SKIL: variants seen among roughly 807,000 people sequenced by gnomAD.
SKIL encodes the protein ski-like protein.
In SKIL, 20 loss-of-function variants were observed where a neutral mutation model predicts 69.6. The ratio of observed to expected loss-of-function variants is 0.29; its 90% CI spans 0.20 to 0.42. SKIL has a LOEUF of 0.42. Among genes scored for constraint, SKIL ranks in the 10% least tolerant of loss-of-function variants. The pLI is 1.00. For missense variants in SKIL, 745 were observed against 783.1 expected (o/e 0.95, Z 0.58); for synonymous variants, 310 against 279.9 (o/e 1.11, Z -1.08).
At chr3:170,381,133 C>T (rs1407194239) in intron 2 of SKIL, 111 bp from the exon 3 acceptor site, 1 of 665,172 alleles carries the variant, frequency 1.5e-6, no homozygotes, top group African/African-American at 1.8e-5. Flanking sequence ...GGCATGATGA[C>T]TCTTAAATAA....
Position 170,392,516 on chromosome 3 carries a change from A to G in SKIL, c.*99A>G, listed in dbSNP as rs1577451362. 4.6e-6 allele frequency: 3 copies of G among 645,828 alleles called. No individual in the cohort carries two copies. Among genetic ancestry groups the G allele is most frequent in the Middle Eastern group, 6.8e-4 (2 of 2,942 alleles). 40.0% of individuals were successfully genotyped at this position (645,828 alleles called of 1,614,324 possible). Reference sequence around the variant, plus strand: ...TTCTGAAGAATTTATCTGCATGACGATAACTAGGCATTCTATCCATTTGTA... The same window carrying G: ...TTCTGAAGAATTTATCTGCATGACGGTAACTAGGCATTCTATCCATTTGTA... On this transcript the variant is annotated 3_prime_UTR_variant, in exon 7 of 7. Transcript: ENST00000259119.
chr3:170,378,332 T>A (rs761253308), intron 2 of SKIL, among the ~76,000 whole-genome samples: 1 of 152,212 alleles, frequency 6.6e-6, no homozygotes, highest in Non-Finnish European at 1.5e-5. Context: ...CCCAGGTTTC[T>A]TCATTCTCAT....
At chr3:170,385,972 A>G (rs992366729) in intron 4 of SKIL, among the ~76,000 whole-genome samples, 2 of 151,360 alleles carry the variant, frequency 1.3e-5, no homozygotes, top group African/African-American at 4.9e-5. Context: ...TTGTATTTTT[A>G]GTAGAGACGG....
intron 2 of SKIL, among the ~76,000 whole-genome samples, chr3:170,364,308 C>G (rs1292754712): frequency 8.1e-6 from 1 of 123,292 alleles, no homozygotes; most frequent in Non-Finnish European, 1.6e-5. Flanking sequence ...TTGTTGCTCC[C>G]GTCTTTTTTT....
chr3:170,376,624 G>C (rs1737047808), intron 2 of SKIL, among the ~76,000 whole-genome samples: 1 of 152,066 alleles, frequency 6.6e-6, no homozygotes, highest in Admixed American at 6.6e-5. Flanking sequence ...CACCCAGGCT[G>C]GAGTGCCATG....
chr3:170,366,690 C>CAG lies in SKIL; in HGVS notation c.1098+5262_1098+5263insGA, dbSNP rs202080637. ...GTCTCAAAACACACACACACACACA[C>CAG]ACACAGACACACACACACACACACA... On this transcript the variant is annotated intron_variant, in intron 2 of 6. Coordinates refer to ENST00000259119, the MANE Select transcript of SKIL (RefSeq NM_005414.5). Among the ~76,000 whole-genome samples, 904 of 87,098 alleles carry CAG rather than the reference C, an allele frequency of 0.01. 25 individuals are homozygous for CAG. The East Asian group carries it at 0.15, about 15-fold the overall frequency. 57.1% of individuals were successfully genotyped at this position (87,098 alleles called of 152,430 possible). A position where few individuals can be genotyped will look rare whatever the true frequency, so the allele number is the denominator to read the frequency against.
At chr3:170,358,791 T>A (rs549179286) in intron 1 of SKIL, 13 of 152,252 alleles carry the variant, frequency 8.5e-5, no homozygotes, top group Admixed American at 2.0e-4. Context: ...TGCCTTGTGC[T>A]TTTTGTCCCG....
chr3:170,373,387 C>T (rs1294806770), intron 2 of SKIL, among the ~76,000 whole-genome samples: 3 of 144,236 alleles, frequency 2.1e-5, no homozygotes, highest in South Asian at 2.3e-4. Flanking sequence ...CCATGTTGGC[C>T]GGGCTGGTCT....
At chr3:170,358,327 G>T (rs1736043878) in intron 1 of SKIL, among the ~76,000 whole-genome samples, 1 of 151,940 alleles carries the variant, frequency 6.6e-6, no homozygotes, top group Admixed American at 6.5e-5. Context: ...CCGCGGGGGG[G>T]CGGTGTTGGG....
intron 2 of SKIL, among the ~76,000 whole-genome samples, chr3:170,367,344 T>C (rs186311014): frequency 2.6e-4 from 39 of 152,292 alleles, no homozygotes; most frequent in African/African-American, 9.1e-4. Context: ...TCTCCTGACG[T>C]CGTCATCCTC....
chr3:170,389,383 G>A (rs1180800773), intron 4 of SKIL, among the ~76,000 whole-genome samples: 3 of 144,916 alleles, frequency 2.1e-5, no homozygotes, highest in African/African-American at 7.7e-5. Flanking sequence ...GCGCTATCTC[G>A]GCTCACTGCA....
rs7611065 is a variant in SKIL, at chr3:170,375,731, C to T, written c.1099-5513C>T. 8.0e-3 allele frequency among the ~76,000 whole-genome samples: 1,172 copies of T among 146,558 alleles called. 14 individuals carry two copies. Among genetic ancestry groups the T allele is most frequent in the African/African-American group, 0.028 (1,127 of 40,606 alleles). On this transcript the variant is annotated intron_variant, in intron 2 of 6. Coordinates refer to ENST00000259119, the MANE Select transcript of SKIL (RefSeq NM_005414.5). ...CTGAGACTACAGGCATGCGTCACCA[C>T]GGCTGGCCAATTAAAAACAATTTTT... is the stretch of plus-strand genomic sequence containing the variant.
Position 170,361,322 on chromosome 3 carries a change from G to A in SKIL, c.991G>A (p.Val331Met), listed in dbSNP as rs1471168009. 5 of 1,613,734 alleles carry A rather than the reference G, an allele frequency of 3.1e-6. No homozygotes were observed. In the East Asian group the frequency reaches 8.9e-5, roughly 29 times the overall value. Residue 331 changes from valine to methionine, a missense_variant, in exon 2 of 7, where the codon GTG (valine) becomes ATG (methionine). Transcript: ENST00000259119. ...AGCTAAATGGCATTGCTATCTTCAT[G>A]TGAACCAAAAATACTTAGGAACACC... The part of the protein sequence containing the change: ...ESAKWHCYLH[V>M]NQKYLGTPEE...
rs903056979 is a variant in SKIL, at chr3:170,360,224, G to C, written c.-108G>C. 2.1e-5 allele frequency: 23 copies of C among 1,115,362 alleles called. No individual in the cohort carries two copies. Among genetic ancestry groups the C allele is most frequent in the Non-Finnish European group, 2.6e-5 (21 of 793,888 alleles). 69.1% of individuals were successfully genotyped at this position (1,115,362 alleles called of 1,614,324 possible). On this transcript the variant is annotated 5_prime_UTR_variant, in exon 2 of 7. Coordinates refer to ENST00000259119, the MANE Select transcript of SKIL (RefSeq NM_005414.5). ...GGGCTCTCGCTTTGAAAGTTTGAGA[G>C]TAAGTTACGATAGGCATTTGTATCC...
intron 4 of SKIL, chr3:170,385,134 C>T (rs116729888): frequency 0.024 from 3,998 of 167,688 alleles, 53 homozygotes; most frequent in Non-Finnish European, 0.034. Flanking sequence ...GGCTGAAGTG[C>T]AGTGGTGAGA....
Position 170,360,946 on chromosome 3 carries a change from A to G in SKIL, c.615A>G (p.Leu205=), listed in dbSNP as rs765531076. The change falls in exon 2 of 7, where the codon TTA becomes TTG. Residue 205 remains leucine (L), a synonymous_variant. Transcript: ENST00000259119. ...GTACTTCAGACCAGCTTCATATCTT[A>G]AAGGTACTGGGCATACTTCCATTCA... ...SRCTSDQLHI[L]KVLGILPFNA... is the part of the protein sequence containing the mutation. 1 of 1,614,192 alleles carries G rather than the reference A, an allele frequency of 6.2e-7. No homozygotes were observed. Among genetic ancestry groups the G allele is most frequent in the Non-Finnish European group, 8.5e-7 (1 of 1,180,024 alleles).
intron 2 of SKIL, among the ~76,000 whole-genome samples, chr3:170,369,229 T>C (rs1736681328): frequency 6.6e-6 from 1 of 152,060 alleles, no homozygotes; most frequent in Non-Finnish European, 1.5e-5. Context: ...AAATTTATCC[T>C]TTTTGTTTGA....
rs1293906106 is a variant in SKIL, at chr3:170,357,742, A to T, written c.-655A>T. The T allele has an allele frequency of 1.2e-5, 2 of 162,126 alleles. No individual in the cohort carries two copies. The highest frequency in any genetic ancestry group is 2.6e-5 in the Non-Finnish European group (2 of 78,008). 10.0% of individuals were successfully genotyped at this position (162,126 alleles called of 1,614,324 possible). On this transcript the variant is annotated 5_prime_UTR_variant, in exon 1 of 7. Coordinates refer to ENST00000259119, the MANE Select transcript of SKIL (RefSeq NM_005414.5). ...AGCCGAAGGGAGCGGGCGAGCGGCG[A>T]CGGCGGCGGCGGCGGGCACAGGTGC...
chr3:170,360,698 C>A lies in SKIL; in HGVS notation c.367C>A (p.Pro123Thr), dbSNP rs1308118835. 2 of 1,614,194 alleles carry A rather than the reference C, an allele frequency of 1.2e-6. No individual in the cohort carries two copies. Among genetic ancestry groups the A allele is most frequent in the Non-Finnish European group, 1.7e-6 (2 of 1,180,042 alleles). ...AAGCATGTCGCCTACTGTATTTCTG[C>A]CTCTTCCATCACCTCAGGTTCTTCC... ...QESMSPTVFL[P>T]LPSPQVLPGP... The change falls in exon 2 of 7, where the codon CCT becomes ACT. Residue 123 changes from proline to threonine, a missense_variant. Physicochemically the swap from Pro to Thr is conservative, Grantham distance 38. Transcript: ENST00000259119.
Sources: allele counts gnomAD v4.1 joint callset (sites outside exome capture counted in the v4.1 genomes callset), GRCh38; gene constraint gnomAD v4.1.1; transcripts MANE v1.5; gene names NCBI Gene and HGNC (gene_info 2026-07-23, HGNC 2026-07-21).